The following ARMC2 variants were observed in gnomAD, a reference collection of about 807,000 sequenced individuals.
The protein encoded by ARMC2 is armadillo repeat containing 2.
In ARMC2, 67 loss-of-function variants were observed where a neutral mutation model predicts 90.3. The ratio of observed to expected loss-of-function variants is 0.74; its 90% confidence interval spans 0.61 to 0.91. The LOEUF is 0.91. Among genes scored for constraint, ARMC2 ranks in the 40% least tolerant of loss-of-function variants. The pLI, the probability that ARMC2 is intolerant of heterozygous loss-of-function variation, is 0.00. For synonymous variants in ARMC2, 393 were observed against 393.0 expected, an observed-to-expected ratio of 1.00 and a Z score of 0.00; for missense variants, 920 against 1,030.9, an observed-to-expected ratio of 0.89 and a Z score of 1.47.
At chr6:108,894,736 C>A (rs1771425923) in intron 6 of ARMC2, among the ~76,000 whole-genome samples, 193 bp downstream of exon 6, 1 of 151,410 alleles carries the variant, frequency 6.6e-6, no homozygotes, top group South Asian at 2.1e-4. Flanking sequence ...AACTCTGATG[C>A]CTCAAACATC....
At chr6:108,856,318 T>A (rs1402334763) in intron 2 of ARMC2, 1 of 152,310 alleles carries the variant, frequency 6.6e-6, no homozygotes, top group Non-Finnish European at 1.5e-5. Flanking sequence ...CTGTTTTTTT[T>A]TTCTAGGAAT....
chr6:108,989,166 C>A, the ARMC2 span, among the ~76,000 whole-genome samples: 2 of 151,950 alleles, frequency 1.3e-5, no homozygotes, highest in African/African-American at 4.8e-5. Context: ...CCATGCCCAG[C>A]CAATTTTTGT....
At chr6:108,881,061 G>A (rs367583400) in intron 5 of ARMC2, among the ~76,000 whole-genome samples, 4 of 151,792 alleles carry the variant, frequency 2.6e-5, no homozygotes, top group Admixed American at 6.6e-5. Flanking sequence ...TCACCATGTT[G>A]GCCAGGATGG....
intron 8 of ARMC2, chr6:108,907,960 T>A: frequency 1.7e-6 from 2 of 1,151,942 alleles, no homozygotes; most frequent in Non-Finnish European, 2.4e-6. Flanking sequence ...TTTAAATACC[T>A]AATCATTAAA....
chr6:109,040,244 C>A, the ARMC2 span, among the ~76,000 whole-genome samples: 2 of 152,144 alleles, frequency 1.3e-5, no homozygotes, highest in African/African-American at 2.4e-5. Flanking sequence ...TCTAGTTTGG[C>A]AAGTCTCCTC....
At chr6:108,917,121 C>G (rs79142391) in intron 10 of ARMC2, among the ~76,000 whole-genome samples, 5,575 of 152,208 alleles carry the variant, frequency 0.037, 305 homozygotes, top group African/African-American at 0.11. Flanking sequence ...TACAGCCTGA[C>G]CCAGTTGATT....
chr6:109,021,483 A>T, the ARMC2 span, among the ~76,000 whole-genome samples: 1 of 151,248 alleles, frequency 6.6e-6, no homozygotes, highest in African/African-American at 2.4e-5. Flanking sequence ...GCACTCCCAG[A>T]CTGGAGTGCA....
intron 7 of ARMC2, among the ~76,000 whole-genome samples, chr6:108,903,992 T>C (rs528293448): frequency 2.0e-4 from 31 of 152,196 alleles, no homozygotes; most frequent in Admixed American, 5.9e-4. Flanking sequence ...TGAAAGACTG[T>C]GTATTCTAGA....
chr6:109,015,700 C>G, the ARMC2 span, among the ~76,000 whole-genome samples: 3 of 152,046 alleles, frequency 2.0e-5, no homozygotes, highest in Non-Finnish European at 1.5e-5. Flanking sequence ...ACGGTTAGGA[C>G]TTTAAGCCAT....
the ARMC2 span, chr6:108,988,640 C>CTACG: frequency 6.2e-7 from 1 of 1,611,884 alleles, no homozygotes; most frequent in Non-Finnish European, 8.5e-7. Context: ...AACTTTAAAG[C>CTACG]TACGATCCAA....
chr6:109,011,462 T>A, the ARMC2 span, among the ~76,000 whole-genome samples: 1 of 152,144 alleles, frequency 6.6e-6, no homozygotes. Flanking sequence ...GATTCCTTTA[T>A]GGTCTCTATA....
chr6:108,997,515 T>A, the ARMC2 span, among the ~76,000 whole-genome samples: 5 of 152,220 alleles, frequency 3.3e-5, no homozygotes, highest in Non-Finnish European at 7.3e-5. Flanking sequence ...AATTTCACCA[T>A]ATGTAAATGC....
At chr6:109,043,958 A>G in the ARMC2 span, among the ~76,000 whole-genome samples, 5 of 152,322 alleles carry the variant, frequency 3.3e-5, no homozygotes, top group African/African-American at 1.2e-4. Flanking sequence ...ACAGATACAC[A>G]TATCAATGGA....
chr6:109,009,486 C>G, the ARMC2 span: 1 of 1,237,646 alleles, frequency 8.1e-7, no homozygotes, highest in Non-Finnish European at 1.0e-6. Context: ...GCTGCGGACG[C>G]GCGGAGGCGG....
At chr6:109,049,679 A>G in the ARMC2 span, among the ~76,000 whole-genome samples, 25 of 150,974 alleles carry the variant, frequency 1.7e-4, 1 homozygote, top group East Asian at 4.8e-3. Context: ...ATAAAAAATA[A>G]AAAGGAGAGG....
intron 17 of ARMC2, among the ~76,000 whole-genome samples, chr6:108,965,915 A>T (rs1053190636): frequency 1.3e-5 from 2 of 151,444 alleles, no homozygotes; most frequent in African/African-American, 4.9e-5. Context: ...AGCCTCCCAA[A>T]GTGCTGGGAT....
the ARMC2 span, among the ~76,000 whole-genome samples, chr6:109,000,997 G>A: frequency 6.6e-6 from 1 of 152,106 alleles, no homozygotes; most frequent in Non-Finnish European, 1.5e-5. Context: ...TTTACATCTT[G>A]AACAGGAAGC....
Position 108,858,205 on chromosome 6 carries a change from T to G in ARMC2, c.225T>G (p.His75Gln). 3.7e-6 allele frequency: 6 copies of G among 1,609,660 alleles called. No homozygotes were observed. The highest frequency in any genetic ancestry group is 5.1e-6 in the Non-Finnish European group (6 of 1,176,712). Residue 75 changes from histidine (H) to glutamine (Q), a missense_variant, in exon 3 of 18, where the codon CAT becomes CAG. Coordinates refer to ENST00000392644, the MANE Select transcript of ARMC2 (RefSeq NM_032131.6). The stretch of plus-strand genomic sequence containing the variant: ...GCACCATCTTTTATGCTAGCCTCCA[T>G]GCATCCAGTTTTGAGTCATCTGATT... ...ENRPPSSFSL[H>Q]ASSFESSDSR...
chr6:108,894,767 T>G (rs540277745), intron 6 of ARMC2, among the ~76,000 whole-genome samples: 234 of 139,064 alleles, frequency 1.7e-3, no homozygotes, highest in African/African-American at 6.3e-3. Flanking sequence ...AGTCTTTTTT[T>G]TTTTTTTTTT....
Sources: gnomAD v4.1 joint callset for allele counts (sites outside exome capture counted in the v4.1 genomes callset) on GRCh38, gnomAD v4.1.1 for gene constraint, MANE v1.5 for transcripts, NCBI Gene and HGNC (gene_info 2026-07-23, HGNC 2026-07-21) for gene names.